The following PCDH7 variants were observed in gnomAD, a reference collection of about 807,000 sequenced individuals.
The protein encoded by PCDH7 is protocadherin-7.
Under a neutral mutation model 58.9 loss-of-function variants are expected in PCDH7, and 17 were observed. That is an observed-to-expected ratio of 0.29 (90% CI 0.20 to 0.43). The LOEUF is 0.43. PCDH7 is among the 20% of genes least tolerant of loss of function. PCDH7 has a pLI of 1.00. For synonymous variants in PCDH7, 664 were observed against 616.4 expected (o/e 1.08, Z -1.14); for missense variants, 1,274 against 1,441.0 (o/e 0.88, Z 1.88).
chr4:30,751,917 T>C lies in PCDH7; in HGVS notation c.70+27321T>C, dbSNP rs193064281. ...GGAATGTCCTTCCTATTCGCTGTCA[T>C]TTTTAAAATGGAATTTTCTCCTGTT... On this transcript the variant is annotated intron_variant, in intron 1 of 3. Transcript: ENST00000509759. 1.1e-3 allele frequency among the ~76,000 whole-genome samples: 173 copies of C among 152,322 alleles called. 1 individual carries two copies. The highest frequency in any genetic ancestry group is 3.7e-3 in the African/African-American group (155 of 41,580).
chr4:30,852,513 C>A (rs977688155), intron 1 of PCDH7, among the ~76,000 whole-genome samples: 8 of 151,872 alleles, frequency 5.3e-5, no homozygotes, highest in African/African-American at 1.9e-4. Context: ...TTGAAGTAGT[C>A]TTGAGTTATT....
chr4:30,889,137 C>CAAAAAA (rs371917620), intron 1 of PCDH7, among the ~76,000 whole-genome samples: 604 of 49,900 alleles, frequency 0.012, 10 homozygotes, highest in African/African-American at 0.042. Flanking sequence ...GCAGATATCT[C>CAAAAAA]AAAAAAAAAA....
chr4:30,945,476 C>T (rs1746554584), intron 2 of PCDH7, among the ~76,000 whole-genome samples: 1 of 152,108 alleles, frequency 6.6e-6, no homozygotes, highest in Non-Finnish European at 1.5e-5. Flanking sequence ...ACTAGAAACA[C>T]TATTAATGCC....
chr4:30,808,200 A>G (rs1264007099), intron 1 of PCDH7, among the ~76,000 whole-genome samples: 2 of 152,214 alleles, frequency 1.3e-5, no homozygotes, highest in Admixed American at 1.3e-4. Context: ...GATTTTGGAG[A>G]GCACAGTCGA....
intron 1 of PCDH7, among the ~76,000 whole-genome samples, chr4:30,811,419 T>C (rs892400331): frequency 2.6e-5 from 4 of 152,200 alleles, no homozygotes; most frequent in African/African-American, 9.7e-5. Context: ...GACAGTTTAA[T>C]TGGCAACATT....
chr4:31,124,534 T>C (rs1302497394), intron 3 of PCDH7, among the ~76,000 whole-genome samples: 5 of 152,192 alleles, frequency 3.3e-5, no homozygotes, highest in Non-Finnish European at 7.3e-5. Flanking sequence ...TTACTAGGTA[T>C]AGGAATGTAC....
At chr4:30,727,510 T>A (rs1714779375) in intron 1 of PCDH7, among the ~76,000 whole-genome samples, 2 of 152,010 alleles carry the variant, frequency 1.3e-5, no homozygotes, top group South Asian at 4.1e-4. Context: ...TCACTGATGA[T>A]GTAGCCCAAA....
At chr4:30,995,499 G>A (rs1348000273) in intron 3 of PCDH7, among the ~76,000 whole-genome samples, 10 of 150,438 alleles carry the variant, frequency 6.6e-5, no homozygotes, top group Non-Finnish European at 1.3e-4. Flanking sequence ...GCGACAGAGC[G>A]AGACTCCCTC....
At chr4:30,806,671 G>A (rs1170949671) in intron 1 of PCDH7, among the ~76,000 whole-genome samples, 1 of 151,020 alleles carries the variant, frequency 6.6e-6, no homozygotes, top group African/African-American at 2.4e-5. Flanking sequence ...TTTGCCCTCA[G>A]ATCTTCATAT....
intron 1 of PCDH7, among the ~76,000 whole-genome samples, chr4:30,862,257 G>A (rs754795602): frequency 8.5e-5 from 13 of 152,128 alleles, no homozygotes; most frequent in South Asian, 2.1e-4. Flanking sequence ...ACCAAAAATT[G>A]TTTGGTGCTC....
chr4:30,873,116 A>G (rs1245283232), intron 1 of PCDH7, among the ~76,000 whole-genome samples: 2 of 152,116 alleles, frequency 1.3e-5, no homozygotes. Context: ...CAGTTTGATT[A>G]AGATGAAAGA....
chr4:30,900,013 C>A (rs1317667731), intron 1 of PCDH7, among the ~76,000 whole-genome samples: 1 of 152,142 alleles, frequency 6.6e-6, no homozygotes, highest in Non-Finnish European at 1.5e-5. Flanking sequence ...TCATGATCAT[C>A]TGTTTGTTTT....
chr4:31,092,050 T>C (rs1343082770), intron 3 of PCDH7, among the ~76,000 whole-genome samples: 4 of 151,990 alleles, frequency 2.6e-5, no homozygotes, highest in African/African-American at 9.7e-5. Flanking sequence ...TTTCCATATA[T>C]TTTACATTTT....
chr4:31,086,298 C>T (rs1044949961), intron 3 of PCDH7, among the ~76,000 whole-genome samples: 4 of 152,092 alleles, frequency 2.6e-5, no homozygotes, highest in Non-Finnish European at 5.9e-5. Context: ...CTGCAAAAAT[C>T]CTAATTCTTG....
At chr4:30,824,845 T>A (rs1191635442) in intron 1 of PCDH7, among the ~76,000 whole-genome samples, 1 of 152,088 alleles carries the variant, frequency 6.6e-6, no homozygotes, top group African/African-American at 2.4e-5. Context: ...TAGTAATTAT[T>A]TGAGATCTGT....
intron 3 of PCDH7, among the ~76,000 whole-genome samples, chr4:31,070,060 A>G (rs985036405): frequency 6.6e-6 from 1 of 152,004 alleles, no homozygotes; most frequent in Non-Finnish European, 1.5e-5. Flanking sequence ...TGATTGATCT[A>G]CTCACACTTA....
At chr4:30,842,143 G>T (rs1731297246) in intron 1 of PCDH7, among the ~76,000 whole-genome samples, 1 of 152,060 alleles carries the variant, frequency 6.6e-6, no homozygotes, top group African/African-American at 2.4e-5. Flanking sequence ...CTTAGTATCA[G>T]TTCCAGCTAT....
intron 3 of PCDH7, among the ~76,000 whole-genome samples, chr4:31,075,737 C>T (rs1032748906): frequency 3.9e-5 from 6 of 152,140 alleles, no homozygotes; most frequent in African/African-American, 7.2e-5. Flanking sequence ...ACATCTATAA[C>T]CACCTTAAAT....
At chr4:31,141,081 G>A (rs187321419) in intron 3 of PCDH7, among the ~76,000 whole-genome samples, 1 of 152,220 alleles carries the variant, frequency 6.6e-6, no homozygotes, top group Non-Finnish European at 1.5e-5. Context: ...TTAGTGGCGA[G>A]CCTTCATTTA....
Sources: gnomAD v4.1 joint callset for allele counts (sites outside exome capture counted in the v4.1 genomes callset) on GRCh38, gnomAD v4.1.1 for gene constraint, MANE v1.5 for transcripts, NCBI Gene and HGNC (gene_info 2026-07-23, HGNC 2026-07-21) for gene names.